PDE10A: variants seen among roughly 807,000 people sequenced by gnomAD.
PDE10A encodes phosphodiesterase 10A.
In PDE10A, 39 loss-of-function variants were observed where a neutral mutation model predicts 97.7. The ratio of observed to expected loss-of-function variants is 0.40; its 90% CI spans 0.31 to 0.52. The LOEUF is 0.52. Among genes scored for constraint, PDE10A ranks in the 20% least tolerant of loss-of-function variants. The pLI, the probability that PDE10A is intolerant of heterozygous loss-of-function variation, is 0.56. For synonymous variants in PDE10A, 371 were observed against 376.8 expected (o/e 0.98, Z 0.18); for missense variants, 731 against 1,047.8 (o/e 0.70, Z 4.17).
rs753303000 is a variant in PDE10A at position 165,333,039 on chromosome 6, C to A, written c.3154G>T (p.Ala1052Ser). The change falls in exon 22 of 22, where the codon GCA becomes TCA. Residue 1052 changes from alanine to serine, a missense_variant. Ala to Ser is a moderately conservative substitution (Grantham distance 99). Transcript: ENST00000539869. ...GTGACCAGTGCTCAATCTTCAGATG[C>A]AGCTGCCTTCTGAGCCACGGATGGG... is the stretch of plus-strand genomic sequence containing the variant. ...SSPSVAQKAAASED is the reference protein window; with the variant it reads ...SSPSVAQKAASSED The A allele has an allele frequency of 2.0e-5, 32 of 1,602,086 alleles. No individual in the cohort carries two copies. Among genetic ancestry groups the A allele is most frequent in the Non-Finnish European group, 2.6e-5 (31 of 1,170,112 alleles).
At chr6:165,863,238 A>G (rs1442261795) in intron 1 of PDE10A, among the ~76,000 whole-genome samples, 2 of 152,138 alleles carry the variant, frequency 1.3e-5, no homozygotes, top group East Asian at 3.9e-4. Context: ...GCTTTTATGC[A>G]TTTAGCTTTC....
intron 18 of PDE10A, among the ~76,000 whole-genome samples, chr6:165,354,016 T>A (rs1227302570): frequency 6.6e-6 from 1 of 152,182 alleles, no homozygotes; most frequent in East Asian, 1.9e-4. Flanking sequence ...AATCTTTCTG[T>A]GAATCTAAAA....
chr6:165,803,091 A>T (rs1238649511), intron 1 of PDE10A, among the ~76,000 whole-genome samples: 1 of 152,238 alleles, frequency 6.6e-6, no homozygotes, highest in Non-Finnish European at 1.5e-5. Context: ...GGAAGAAATG[A>T]TTGAACTTGA....
rs115484461 is a variant in PDE10A, at chr6:165,844,843, G to C, written c.-615+142686C>G. ...TCAGTACAAACCCTGCCTGGGAGCT[G>C]GTTAAAATAATAATTCATAGGTCCC... On this transcript the variant is annotated intron_variant, in intron 1 of 19. Coordinates refer to the PDE10A transcript ENST00000366882. 3.3e-3 allele frequency among the ~76,000 whole-genome samples: 504 copies of C among 152,280 alleles called. 2 individuals are homozygous for C. The highest frequency in any genetic ancestry group is 0.011 in the African/African-American group (475 of 41,556).
intron 18 of PDE10A, among the ~76,000 whole-genome samples, chr6:165,360,778 C>T (rs1425382730): frequency 1.3e-5 from 2 of 152,152 alleles, no homozygotes; most frequent in Admixed American, 6.5e-5. Context: ...AACAATAAAG[C>T]CACCAGCTGA....
intron 1 of PDE10A, among the ~76,000 whole-genome samples, chr6:165,552,599 A>C (rs1281206841): frequency 6.6e-6 from 1 of 152,218 alleles, no homozygotes; most frequent in Non-Finnish European, 1.5e-5. Flanking sequence ...ACACTAGACA[A>C]ACACTGTTAG....
intron 1 of PDE10A, among the ~76,000 whole-genome samples, chr6:165,854,978 A>T (rs1033840409): frequency 6.0e-5 from 9 of 150,332 alleles, no homozygotes; most frequent in African/African-American, 2.2e-4. Context: ...GGCGCGGGGG[A>T]AGAGGAAGAG....
At chr6:165,337,884 C>T (rs1455222007) in intron 20 of PDE10A, among the ~76,000 whole-genome samples, 2 of 151,986 alleles carry the variant, frequency 1.3e-5, no homozygotes, top group East Asian at 1.9e-4. Flanking sequence ...AAGATACATT[C>T]CAAACAAGTC....
At chr6:165,741,452 A>T (rs10455807) in intron 1 of PDE10A, among the ~76,000 whole-genome samples, 38,312 of 152,158 alleles carry the variant, frequency 0.25, 6,181 homozygotes, top group Non-Finnish European at 0.36. Context: ...AAAGTCCGAC[A>T]AGTCAAATGT....
In PDE10A at chr6:165,365,258, C is replaced by T. The variant is rs1016480683; in HGVS notation, c.2783+13936G>A. The stretch of plus-strand genomic sequence containing the variant: ...TTTAAGTGAAAATAATCTGTGCATA[C>T]ATTTTTTATGAAGTTTTAAATCTCA... On this transcript the variant is annotated intron_variant, in intron 18 of 21. Coordinates refer to ENST00000539869, the MANE Select transcript of PDE10A (RefSeq NM_001385079.1). Among the ~76,000 whole-genome samples the T allele has an allele frequency of 5.3e-5, 8 of 152,118 alleles. No homozygotes were observed. In the South Asian group the frequency reaches 8.3e-4, roughly 16 times the overall value.
intron 13 of PDE10A, chr6:165,409,570 C>T (rs375110980): frequency 9.2e-5 from 15 of 163,248 alleles, no homozygotes; most frequent in African/African-American, 3.1e-4. Context: ...GTGTCTACAG[C>T]CATACCACCC....
chr6:165,901,422 G>C (rs1304905986), intron 1 of PDE10A, among the ~76,000 whole-genome samples: 1 of 152,166 alleles, frequency 6.6e-6, no homozygotes, highest in Non-Finnish European at 1.5e-5. Context: ...AGAGAACAAA[G>C]CCCAGGTCCT....
chr6:165,351,653 A>G (rs919169377), intron 18 of PDE10A, among the ~76,000 whole-genome samples: 1 of 152,146 alleles, frequency 6.6e-6, no homozygotes, highest in Non-Finnish European at 1.5e-5. Context: ...CTTCCATTAC[A>G]TGACATTCCA....
chr6:165,556,806 T>C (rs2128334484), intron 1 of PDE10A, among the ~76,000 whole-genome samples: 1 of 152,166 alleles, frequency 6.6e-6, no homozygotes, highest in Non-Finnish European at 1.5e-5. Flanking sequence ...GACTGTCTAC[T>C]GAGGTTTTCA....
At chr6:165,789,075 G>T (rs576775470) in intron 1 of PDE10A, among the ~76,000 whole-genome samples, 11 of 152,220 alleles carry the variant, frequency 7.2e-5, no homozygotes, top group Non-Finnish European at 1.6e-4. Flanking sequence ...GGGGCTGGAG[G>T]TGAAGATGGC....
chr6:165,355,999 T>C (rs1782998686), intron 18 of PDE10A, among the ~76,000 whole-genome samples: 1 of 152,052 alleles, frequency 6.6e-6, no homozygotes, highest in Non-Finnish European at 1.5e-5. Flanking sequence ...CTTACAATCA[T>C]GGCGAAGGTG....
chr6:165,453,488 G>A (rs1777759958), intron 3 of PDE10A, among the ~76,000 whole-genome samples: 1 of 152,168 alleles, frequency 6.6e-6, no homozygotes, highest in Non-Finnish European at 1.5e-5. Flanking sequence ...CTCAGAGCAG[G>A]GCCTTGAGGG....
chr6:165,385,418 G>T (rs1476026137), intron 17 of PDE10A, among the ~76,000 whole-genome samples: 1 of 152,158 alleles, frequency 6.6e-6, no homozygotes, highest in Non-Finnish European at 1.5e-5. Context: ...GAGTCCTCAG[G>T]GCACCACTGT....
At chr6:165,791,296 A>T (rs761328091) in intron 1 of PDE10A, among the ~76,000 whole-genome samples, 18 of 152,056 alleles carry the variant, frequency 1.2e-4, no homozygotes, top group Non-Finnish European at 2.5e-4. Flanking sequence ...CACCAGTGAG[A>T]TCACACAGAA....
Sources: gnomAD v4.1 joint callset for allele counts (sites outside exome capture counted in the v4.1 genomes callset) on GRCh38, gnomAD v4.1.1 for gene constraint, MANE v1.5 for transcripts, NCBI Gene and HGNC (gene_info 2026-07-23, HGNC 2026-07-21) for gene names.